Variants in CLYBL observed in about 807,000 individuals in gnomAD.
CLYBL encodes citramalyl-CoA lyase, also known as citramalyl-CoA lyase, mitochondrial.
In CLYBL, 31 loss-of-function variants were observed where a neutral mutation model predicts 38.9. The observed-to-expected ratio is 0.80, with a 90% CI of 0.60 to 1.08. The LOEUF (loss-of-function observed/expected upper bound fraction) is 1.08. Ranked by LOEUF, CLYBL falls within the 50% of genes least tolerant of loss-of-function variation. The probability of loss-of-function intolerance (pLI) is 0.00; values close to 1 mark genes in which losing one functional copy is unlikely to be tolerated. For synonymous variants in CLYBL, 171 were observed against 158.6 expected (o/e 1.08, Z -0.59); for missense variants, 434 against 411.6 (o/e 1.05, Z -0.47).
intron 2 of CLYBL, among the ~76,000 whole-genome samples, chr13:99,839,320 C>G (rs79677784): frequency 0.029 from 4,485 of 152,204 alleles, 205 homozygotes; most frequent in African/African-American, 0.1. Flanking sequence ...GACAGAAGAC[C>G]CAGGGAAACA....
At chr13:99,812,185 C>G (rs1034716440) in intron 2 of CLYBL, among the ~76,000 whole-genome samples, 3 of 152,146 alleles carry the variant, frequency 2.0e-5, no homozygotes, top group Non-Finnish European at 2.9e-5. Flanking sequence ...TAGGTGCCAT[C>G]TAACCATTTT....
At chr13:99,785,603 T>A (rs2049773123) in intron 2 of CLYBL, among the ~76,000 whole-genome samples, 1 of 41,864 alleles carries the variant, frequency 2.4e-5, no homozygotes, top group Non-Finnish European at 7.3e-5. Context: ...AAATAATACA[T>A]TTTTTTTTTT....
intron 7 of CLYBL, among the ~76,000 whole-genome samples, chr13:99,884,186 C>A (rs1371456963): frequency 6.6e-6 from 1 of 152,168 alleles, no homozygotes; most frequent in Non-Finnish European, 1.5e-5. Context: ...GGTGTCCTAC[C>A]AGAGGCTCAG....
chr13:99,703,190 C>T (rs959082500), intron 1 of CLYBL, among the ~76,000 whole-genome samples: 1 of 152,170 alleles, frequency 6.6e-6, no homozygotes, highest in Admixed American at 6.5e-5. Flanking sequence ...CGAGGTGGCT[C>T]TAGCCTGTAA....
chr13:99,852,504 T>C (rs947689849), intron 2 of CLYBL, among the ~76,000 whole-genome samples: 3 of 152,262 alleles, frequency 2.0e-5, no homozygotes, highest in African/African-American at 7.2e-5. Context: ...ATGTGAACTT[T>C]ATCTCATTAA....
Position 99,904,932 on chromosome 13 carries a change from G to T in CLYBL, c.*25-338G>T, listed in dbSNP as rs1176447960. 3.3e-5 allele frequency among the ~76,000 whole-genome samples: 5 copies of T among 152,314 alleles called. No homozygotes were observed. In the East Asian group the frequency reaches 9.7e-4, roughly 29 times the overall value. The stretch of plus-strand genomic sequence containing the variant: ...CAACTGGGAGCTCAGCGGGCTTTGA[G>T]CCATCTTTGCAGAGACAGCTTTTCC... On this transcript the variant is annotated intron_variant and NMD_transcript_variant, in intron 8 of 9. Transcript: ENST00000689673.
intron 1 of CLYBL, among the ~76,000 whole-genome samples, chr13:99,764,674 T>A (rs1049713599): frequency 6.6e-6 from 1 of 152,054 alleles, no homozygotes; most frequent in Non-Finnish European, 1.5e-5. Flanking sequence ...AATTTTTGTA[T>A]CTTATCTTTT....
chr13:99,646,760 G>A (rs1208631644), intron 1 of CLYBL, among the ~76,000 whole-genome samples: 3 of 149,358 alleles, frequency 2.0e-5, no homozygotes, highest in East Asian at 2.0e-4. Flanking sequence ...TCCTGACCTC[G>A]TGATCCACCC....
rs1050717173 is a variant in CLYBL, at chr13:99,667,438, T to C, written c.62+60681T>C. Among the ~76,000 whole-genome samples the C allele has an allele frequency of 1.8e-4, 3 of 16,648 alleles. No individual in the cohort carries two copies. The East Asian group carries it at 4.4e-3, about 24-fold the overall frequency. 10.9% of individuals were successfully genotyped at this position (16,648 alleles called of 152,430 possible). On this transcript the variant is annotated intron_variant, in intron 1 of 8. Transcript: ENST00000339105. ...GTCCTACTTAAAGAATCTTGCTTTT[T>C]TTTTTTTTTTTTTTTTTTAGAAAAT...
intron 1 of CLYBL, among the ~76,000 whole-genome samples, chr13:99,630,517 G>A (rs899662583): frequency 5.3e-5 from 8 of 152,182 alleles, no homozygotes; most frequent in Admixed American, 1.3e-4. Context: ...GATGAACTTT[G>A]CCTATTTCAC....
intron 1 of CLYBL, among the ~76,000 whole-genome samples, chr13:99,628,039 C>T (rs1274868462): frequency 6.6e-6 from 1 of 152,102 alleles, no homozygotes; most frequent in Non-Finnish European, 1.5e-5. Flanking sequence ...GGTACTAAAA[C>T]GTGAAGTTTA....
At chr13:99,732,498 T>C (rs1354431948) in intron 1 of CLYBL, among the ~76,000 whole-genome samples, 1 of 152,194 alleles carries the variant, frequency 6.6e-6, no homozygotes, top group Non-Finnish European at 1.5e-5. Flanking sequence ...AGGTGTTTTT[T>C]CTTTCTTTGG....
At chr13:99,693,191 A>T (rs898633284) in intron 1 of CLYBL, among the ~76,000 whole-genome samples, 1 of 152,138 alleles carries the variant, frequency 6.6e-6, no homozygotes, top group Admixed American at 6.6e-5. Context: ...AGCATCTTAT[A>T]TTCATTATCA....
chr13:99,776,587 C>T (rs1024087299), intron 2 of CLYBL, among the ~76,000 whole-genome samples: 1 of 150,730 alleles, frequency 6.6e-6, no homozygotes, highest in Non-Finnish European at 1.5e-5. Context: ...CCTAGCCTGT[C>T]AAGGTCTTTT....
At chr13:99,716,377 TTTTC>T (rs963293070) in intron 1 of CLYBL, among the ~76,000 whole-genome samples, 5 of 124,842 alleles carry the variant, frequency 4.0e-5, no homozygotes, top group Non-Finnish European at 3.2e-5. Flanking sequence ...TGGCCTATAT[TTTTC>T]TTTCTTTTCT....
At chr13:99,750,078 T>G (rs942619503) in intron 1 of CLYBL, among the ~76,000 whole-genome samples, 2 of 152,100 alleles carry the variant, frequency 1.3e-5, no homozygotes, top group Non-Finnish European at 2.9e-5. Flanking sequence ...GATTCTTCTG[T>G]AACCATTGGA....
intron 2 of CLYBL, among the ~76,000 whole-genome samples, chr13:99,793,080 C>G (rs1234926319): frequency 1.4e-5 from 2 of 139,688 alleles, no homozygotes; most frequent in African/African-American, 3.2e-5. Flanking sequence ...AGTACGTAGA[C>G]CTTAAAGCCC....
chr13:99,831,721 C>CTT (rs75837569), intron 2 of CLYBL, among the ~76,000 whole-genome samples: 7 of 138,992 alleles, frequency 5.0e-5, no homozygotes, highest in Admixed American at 7.2e-5. Context: ...CATTTTCTTT[C>CTT]TTTTTTTTTT....
chr13:99,895,659 G>A (rs893988901), downstream of CLYBL: 1 of 152,242 alleles, frequency 6.6e-6, no homozygotes, highest in Non-Finnish European at 1.5e-5. Context: ...GGTTTTGGAG[G>A]GGGTGGTGTT....
Sources: gnomAD v4.1 joint callset for allele counts (sites outside exome capture counted in the v4.1 genomes callset) on GRCh38, gnomAD v4.1.1 for gene constraint, MANE v1.5 for transcripts, NCBI Gene and HGNC (gene_info 2026-07-23, HGNC 2026-07-21) for gene names.